The following MSL2 variants were observed in gnomAD, a reference collection of about 807,000 sequenced individuals.
The protein encoded by MSL2 is E3 ubiquitin-protein ligase MSL2.
In MSL2, 2 loss-of-function variants were observed where a neutral mutation model predicts 35.8. The ratio of observed to expected loss-of-function variants is 0.06; its 90% CI spans 0.02 to 0.18. MSL2 has a LOEUF of 0.18. MSL2 is among the 10% of genes least tolerant of loss of function. MSL2 has a pLI of 1.00. For synonymous variants in MSL2, 296 were observed against 255.7 expected, an observed-to-expected ratio of 1.16 and a Z score of -1.50; for missense variants, 523 against 706.7, an observed-to-expected ratio of 0.74 and a Z score of 2.95.
Position 136,149,280 on chromosome 3 carries a change from T to C in MSL2, c.*1867A>G, listed in dbSNP as rs1223080658. On this transcript the variant is annotated 3_prime_UTR_variant, in exon 2 of 2. Transcript: ENST00000309993. ...TAATCATTTTTGCAGTGATCATTAG[T>C]GAATAAAGAACAGATTTACAACTTT... 2 of 152,448 alleles carry C rather than the reference T, an allele frequency of 1.3e-5. No individual in the cohort carries two copies. The highest frequency in any genetic ancestry group is 1.9e-4 in the East Asian group (1 of 5,196). The allele number at this position is 152,448 out of a possible 1,614,324, so 9.4% of individuals were successfully genotyped here.
At chr3:136,171,167 G>A (rs948833857) in intron 1 of MSL2, among the ~76,000 whole-genome samples, 1 of 152,176 alleles carries the variant, frequency 6.6e-6, no homozygotes, top group African/African-American at 2.4e-5. Flanking sequence ...AGTCATTGCT[G>A]TTTCAAATCA....
intron 1 of MSL2, among the ~76,000 whole-genome samples, chr3:136,169,704 C>T (rs1366143953): frequency 2.0e-5 from 3 of 152,014 alleles, no homozygotes; most frequent in Admixed American, 6.5e-5. Context: ...CCACCTGCCT[C>T]GGCCTCCCAA....
intron 1 of MSL2, among the ~76,000 whole-genome samples, chr3:136,190,010 G>A (rs1940637621): frequency 6.6e-6 from 1 of 152,046 alleles, no homozygotes; most frequent in Non-Finnish European, 1.5e-5. Flanking sequence ...GGACCCGGGA[G>A]ACAAAGGTTG....
At chr3:136,153,203 C>G in intron 1 of MSL2, 1 of 323,342 alleles carries the variant, frequency 3.1e-6, no homozygotes, top group Non-Finnish European at 4.4e-6. Flanking sequence ...CACTGCACTC[C>G]CGCCTGGGTG....
chr3:136,154,453 C>A (rs976691154), intron 1 of MSL2, among the ~76,000 whole-genome samples: 1 of 152,144 alleles, frequency 6.6e-6, no homozygotes, highest in Non-Finnish European at 1.5e-5. Context: ...TCCAAAGCTG[C>A]AACTGCTCCT....
intron 1 of MSL2, among the ~76,000 whole-genome samples, chr3:136,182,736 A>C (rs1940405380): frequency 6.6e-6 from 1 of 152,156 alleles, no homozygotes; most frequent in African/African-American, 2.4e-5. Context: ...AAAAAGAGAA[A>C]GAAGTCCAGA....
intron 1 of MSL2, among the ~76,000 whole-genome samples, chr3:136,186,552 T>G (rs1037803796): frequency 3.9e-5 from 6 of 152,144 alleles, no homozygotes; most frequent in Non-Finnish European, 8.8e-5. Flanking sequence ...GCCTGTCAGA[T>G]CTGCAGTGGC....
intron 1 of MSL2, among the ~76,000 whole-genome samples, chr3:136,181,959 A>G (rs1326191613): frequency 1.3e-5 from 2 of 149,420 alleles, no homozygotes; most frequent in Non-Finnish European, 3.0e-5. Flanking sequence ...TAAATAAATA[A>G]TCAAAACTTA....
intron 1 of MSL2, among the ~76,000 whole-genome samples, chr3:136,182,862 A>G (rs1940408312): frequency 6.6e-6 from 1 of 152,216 alleles, no homozygotes. Context: ...CACAACTCAC[A>G]GAAGTAGCAG....
In MSL2 at chr3:136,150,863, A is replaced by G. The variant is rs1939340111; in HGVS notation, c.*284T>C. On this transcript the variant is annotated 3_prime_UTR_variant, in exon 2 of 2. Coordinates refer to ENST00000309993, the MANE Select transcript of MSL2 (RefSeq NM_018133.4). The stretch of plus-strand genomic sequence containing the variant: ...AAGCATGGCCATAAACAATGAGGTT[A>G]ATGTTATTTTTCTTGCCAAAGTTCA... The G allele has an allele frequency of 2.8e-6, 1 of 357,864 alleles. No homozygotes were observed. The highest frequency in any genetic ancestry group is 2.0e-5 in the African/African-American group (1 of 49,726). The allele number at this position is 357,864 out of a possible 1,614,324, so 22.2% of individuals were successfully genotyped here.
rs544967636 is a variant in MSL2, at chr3:136,166,444, G to GA, written c.143-13707dup. Among the ~76,000 whole-genome samples the GA allele has an allele frequency of 3.6e-3, 524 of 144,296 alleles. 13 individuals are homozygous for GA. The South Asian group carries it at 0.059, about 16-fold the overall frequency. 94.7% of individuals were successfully genotyped at this position (144,296 alleles called of 152,430 possible). On this transcript the variant is annotated intron_variant, in intron 1 of 1. Transcript: ENST00000309993. ...GGGGCTTTAATTCAGCCACCAAAAA[G>GA]AAAAAAAAAAATTTGTTAAGTAATA...
Position 136,150,249 on chromosome 3 carries a change from A to C in MSL2, c.*898T>G, listed in dbSNP as rs1458619290. ...TGGCAAATAAACTATTAGAGAAAAT[A>C]AGTCAAAGTGGCGGCCAGTGGCAAT... On this transcript the variant is annotated 3_prime_UTR_variant, in exon 2 of 2. Coordinates refer to ENST00000309993, the MANE Select transcript of MSL2 (RefSeq NM_018133.4). 1 of 152,290 alleles carries C rather than the reference A, an allele frequency of 6.6e-6. No homozygotes were observed. The highest frequency in any genetic ancestry group is 1.5e-5 in the Non-Finnish European group (1 of 68,038). 9.4% of individuals were successfully genotyped at this position (152,290 alleles called of 1,614,324 possible). A position where few individuals can be genotyped will look rare whatever the true frequency, so the allele number is the denominator to read the frequency against.
intron 1 of MSL2, among the ~76,000 whole-genome samples, chr3:136,175,687 A>C (rs777569345): frequency 2.6e-5 from 4 of 152,130 alleles, no homozygotes; most frequent in Admixed American, 6.6e-5. Flanking sequence ...CCATCTCAAA[A>C]AACAACAACA....
chr3:136,195,702 A>G lies in MSL2; in HGVS notation c.-589T>C, dbSNP rs953404244. 38 of 984,872 alleles carry G rather than the reference A, an allele frequency of 3.9e-5. No individual in the cohort carries two copies. The highest frequency in any genetic ancestry group is 4.5e-5 in the Non-Finnish European group (37 of 829,754). 61.0% of individuals were successfully genotyped at this position (984,872 alleles called of 1,614,324 possible). On this transcript the variant is annotated 5_prime_UTR_variant, in exon 1 of 2. Coordinates refer to ENST00000309993, the MANE Select transcript of MSL2 (RefSeq NM_018133.4). ...CGAAGGTTGATGTTGCGGCTGGCGG[A>G]CGCCGCCGCCGCGCTCTCCATATCG...
Position 136,195,181 on chromosome 3 carries a change from A to G in MSL2, c.-68T>C. ...TCCGGATCCAACTTAGTAAGCAGCC[A>G]GGGAACGATGGCGAATTTGCAACAA... On this transcript the variant is annotated 5_prime_UTR_variant, in exon 1 of 2. Coordinates refer to ENST00000309993, the MANE Select transcript of MSL2 (RefSeq NM_018133.4). The G allele has an allele frequency of 1.3e-6, 2 of 1,556,640 alleles. No homozygotes were observed. The highest frequency in any genetic ancestry group is 2.4e-5 in the South Asian group (2 of 83,694).
At chr3:136,171,264 G>C (rs148026592) in intron 1 of MSL2, among the ~76,000 whole-genome samples, 1,536 of 152,240 alleles carry the variant, frequency 0.01, 29 homozygotes, top group African/African-American at 0.033. Flanking sequence ...GAAAACTTAT[G>C]AAGAGCTTCT....
Position 136,196,160 on chromosome 3 carries a change from CG to C in MSL2, c.-1048del, listed in dbSNP as rs1940841909. The C allele has an allele frequency of 6.5e-6, 1 of 152,844 alleles. No individual in the cohort carries two copies. Among genetic ancestry groups the C allele is most frequent in the Non-Finnish European group, 1.5e-5 (1 of 68,500 alleles). 9.5% of individuals were successfully genotyped at this position (152,844 alleles called of 1,614,324 possible). ...CCTCGCCGCCCTCACCCCGACTCCA[CG>C]CGCCACTCCAGCTCGGTAGGGCCCG... is the stretch of plus-strand genomic sequence containing the variant. On this transcript the variant is annotated 5_prime_UTR_variant, in exon 1 of 2. Coordinates refer to ENST00000309993, the MANE Select transcript of MSL2 (RefSeq NM_018133.4).
At chr3:136,177,344 G>C (rs1360925727) in intron 1 of MSL2, among the ~76,000 whole-genome samples, 4 of 152,062 alleles carry the variant, frequency 2.6e-5, no homozygotes, top group Non-Finnish European at 2.9e-5. Flanking sequence ...AAACAAGAAA[G>C]AATAATTAAT....
chr3:136,169,396 T>C (rs1410091946), intron 1 of MSL2, among the ~76,000 whole-genome samples: 2 of 152,128 alleles, frequency 1.3e-5, no homozygotes, highest in Admixed American at 6.5e-5. Flanking sequence ...ATCATTTCCT[T>C]GTGTTGGGAA....
Sources: gnomAD v4.1 joint callset for allele counts (sites outside exome capture counted in the v4.1 genomes callset) on GRCh38, gnomAD v4.1.1 for gene constraint, MANE v1.5 for transcripts, NCBI Gene and HGNC (gene_info 2026-07-23, HGNC 2026-07-21) for gene names.